LRRFIP1: variants seen among roughly 807,000 people sequenced by gnomAD.
LRRFIP1 encodes the protein leucine-rich repeat flightless-interacting protein 1.
LRRFIP1 carries 62 observed loss-of-function variants against 104.4 expected under a neutral mutation model. That is an observed-to-expected ratio of 0.59 (90% CI 0.48 to 0.73). The LOEUF (loss-of-function observed/expected upper bound fraction) is 0.73. Ranked by LOEUF, LRRFIP1 falls within the 30% of genes least tolerant of loss-of-function variation. The pLI is 0.00. For synonymous variants in LRRFIP1, 300 were observed against 299.0 expected, an observed-to-expected ratio of 1.00 and a Z score of -0.03; for missense variants, 796 against 824.5, an observed-to-expected ratio of 0.97 and a Z score of 0.42.
At chr2:237,733,620 A>G (rs949302988) in intron 8 of LRRFIP1, among the ~76,000 whole-genome samples, 154 bp from the exon 9 acceptor site, 2 of 152,286 alleles carry the variant, frequency 1.3e-5, no homozygotes, top group Non-Finnish European at 2.9e-5. Context: ...TCAAATTTGC[A>G]GAAAACACGG....
At position 237,779,661 on chromosome 2, in the gene LRRFIP1, G is replaced by T. The variant is rs138410523; in HGVS notation, c.*129G>T. On this transcript the variant is annotated 3_prime_UTR_variant, in exon 24 of 24. Coordinates refer to ENST00000308482, the MANE Select transcript of LRRFIP1 (RefSeq NM_001137550.2). ...AGACGAAGACCGTGGCGAGCTTGGC[G>T]CTTAGGGGCTCCCGTGCCATGGCTC... 1 of 779,802 alleles carries T rather than the reference G, an allele frequency of 1.3e-6. No homozygotes were observed. Among genetic ancestry groups the T allele is most frequent in the African/African-American group, 1.7e-5 (1 of 57,290 alleles). 48.3% of individuals were successfully genotyped at this position (779,802 alleles called of 1,614,324 possible). A position where few individuals can be genotyped will look rare whatever the true frequency, so the allele number is the denominator to read the frequency against.
intron 1 of LRRFIP1, among the ~76,000 whole-genome samples, chr2:237,627,980 G>C (rs1159160405): frequency 6.6e-6 from 1 of 151,074 alleles, no homozygotes; most frequent in East Asian, 1.9e-4. Context: ...CCCAGCCCGC[G>C]ACGCTGCGCG....
At chr2:237,689,963 C>T (rs144042354) in intron 1 of LRRFIP1, among the ~76,000 whole-genome samples, 34 of 152,324 alleles carry the variant, frequency 2.2e-4, no homozygotes, top group African/African-American at 7.2e-4. Flanking sequence ...TTGGGTAAGA[C>T]TCCAGGCACA....
chr2:237,657,073 C>T (rs563173512), intron 1 of LRRFIP1, among the ~76,000 whole-genome samples: 27 of 152,264 alleles, frequency 1.8e-4, no homozygotes, highest in African/African-American at 5.8e-4. Flanking sequence ...TGGGAAAAGG[C>T]TGGCGGTGGT....
chr2:237,707,371 TG>T, intron 1 of LRRFIP1, among the ~76,000 whole-genome samples: 1 of 147,952 alleles, frequency 6.8e-6, no homozygotes, highest in East Asian at 2.0e-4. Context: ...AGTTCCTGGC[TG>T]CAGTGAGCTG....
intron 1 of LRRFIP1, among the ~76,000 whole-genome samples, chr2:237,699,781 A>G (rs1005081251): frequency 1.0e-5 from 1 of 97,260 alleles, no homozygotes; most frequent in African/African-American, 3.5e-5. Context: ...GCTTCTTCCC[A>G]ATCTTTTTGA....
chr2:237,702,704 C>T (rs2093604286), intron 1 of LRRFIP1, among the ~76,000 whole-genome samples: 1 of 152,164 alleles, frequency 6.6e-6, no homozygotes, highest in Admixed American at 6.5e-5. Context: ...AAACAGCAGC[C>T]AGACCGAGCT....
chr2:237,687,099 G>C (rs2092427011), intron 1 of LRRFIP1, among the ~76,000 whole-genome samples: 2 of 152,240 alleles, frequency 1.3e-5, no homozygotes, highest in African/African-American at 2.4e-5. Context: ...TGCCGCTGGT[G>C]CATTCCATCA....
At chr2:237,727,128 C>A (rs992392304) in intron 7 of LRRFIP1, among the ~76,000 whole-genome samples, 2 of 152,094 alleles carry the variant, frequency 1.3e-5, no homozygotes, top group Non-Finnish European at 2.9e-5. Flanking sequence ...GAGGCCAAGG[C>A]GGGCGGATCA....
rs529832540 is a variant in LRRFIP1, at chr2:237,629,403, G to A, written c.96+1663G>A. On this transcript the variant is annotated intron_variant, in intron 1 of 23. Transcript: ENST00000308482. ...TTGTCTTGATGTCAGTGGTTATGGG[G>A]CAGAAGAATGAGAAGAATGAAAATT... Among the ~76,000 whole-genome samples the A allele has an allele frequency of 2.3e-4, 35 of 152,158 alleles. No homozygotes were observed. In the South Asian group the frequency reaches 5.6e-3, roughly 24 times the overall value.
At chr2:237,653,460 G>A (rs1222421164) in intron 1 of LRRFIP1, among the ~76,000 whole-genome samples, 1 of 152,128 alleles carries the variant, frequency 6.6e-6, no homozygotes, top group Non-Finnish European at 1.5e-5. Flanking sequence ...ATTCAATGCA[G>A]TCCCTATCAA....
At chr2:237,660,057 G>A (rs1311584647) in intron 1 of LRRFIP1, among the ~76,000 whole-genome samples, 1 of 152,132 alleles carries the variant, frequency 6.6e-6, no homozygotes, top group Non-Finnish European at 1.5e-5. Flanking sequence ...AAAGGCAAAA[G>A]CCAATGTTAA....
chr2:237,760,248 A>G (rs1559817023), intron 19 of LRRFIP1, 43 bp downstream of exon 19: 1 of 1,607,952 alleles, frequency 6.2e-7, no homozygotes, highest in Non-Finnish European at 8.5e-7. Flanking sequence ...CTTTCCACTC[A>G]GCATTGGTTC....
At chr2:237,739,973 A>C (rs2095364985) in intron 11 of LRRFIP1, among the ~76,000 whole-genome samples, 1 of 151,984 alleles carries the variant, frequency 6.6e-6, no homozygotes, top group Admixed American at 6.6e-5. Flanking sequence ...GGAGGAGGGG[A>C]GGTGGGCACA....
At position 237,757,640 on chromosome 2, in the gene LRRFIP1, G is replaced by C. The variant is rs1055683124; in HGVS notation, c.1224+92G>C. The C allele has an allele frequency of 8.2e-6, 7 of 852,978 alleles. No homozygotes were observed. The Admixed American group carries it at 9.5e-5, about 12-fold the overall frequency. The allele number at this position is 852,978 out of a possible 1,614,324, so 52.8% of individuals were successfully genotyped here. ...GAGTCTTTAGTTTGCAAAACCGCTT[G>C]TCTGAGTATGCATGCAACTCCCACG... On this transcript the variant is annotated intron_variant, in intron 17 of 23. Coordinates refer to ENST00000308482, the MANE Select transcript of LRRFIP1 (RefSeq NM_001137550.2).
chr2:237,732,097 C>T (rs2095036011), intron 8 of LRRFIP1, among the ~76,000 whole-genome samples: 1 of 152,020 alleles, frequency 6.6e-6, no homozygotes, highest in South Asian at 2.1e-4. Flanking sequence ...TTTTTCTGTG[C>T]GTGAACTCAA....
intron 13 of LRRFIP1, among the ~76,000 whole-genome samples, chr2:237,750,308 C>CTTTTT (rs2058425034): frequency 8.8e-6 from 1 of 113,332 alleles, no homozygotes; most frequent in Non-Finnish European, 1.9e-5. Flanking sequence ...TTTCCTTTTT[C>CTTTTT]TTTTCTTTTC....
At chr2:237,642,464 AGGCTGAG>A (rs2084147304) in intron 1 of LRRFIP1, among the ~76,000 whole-genome samples, 1 of 150,496 alleles carries the variant, frequency 6.6e-6, no homozygotes, top group Non-Finnish European at 1.5e-5. Flanking sequence ...TCCAGGTTCC[AGGCTGAG>A]GGTTTCAGGT....
Position 237,774,366 on chromosome 2 carries a change from G to A in LRRFIP1, c.1716G>A (p.Arg572=). The A allele has an allele frequency of 6.2e-7, 1 of 1,609,114 alleles. No individual in the cohort carries two copies. The highest frequency in any genetic ancestry group is 1.3e-5 in the African/African-American group (1 of 74,904). The change falls in exon 23 of 24, where the codon AGG becomes AGA. Residue 572 remains arginine, a synonymous_variant. Coordinates refer to ENST00000308482, the MANE Select transcript of LRRFIP1 (RefSeq NM_001137550.2). The part of the protein sequence containing the change: ...EITALEQNVI[R]LESQVSRYKS... ...TTTTTTCTACCTTTTAGGTAATAAG[G>A]TTAGAGAGTCAAGTATCACGTTACA...
Sources: allele counts gnomAD v4.1 joint callset (sites outside exome capture counted in the v4.1 genomes callset), GRCh38; gene constraint gnomAD v4.1.1; transcripts MANE v1.5; gene names NCBI Gene and HGNC (gene_info 2026-07-23, HGNC 2026-07-21).